Variants in GABPA observed in about 807,000 individuals in gnomAD.
GABPA encodes GA binding protein transcription factor subunit alpha, also known as GA-binding protein alpha chain.
A neutral mutation model predicts 59.4 loss-of-function variants in GABPA; 4 were observed. The observed-to-expected ratio is 0.07, with a 90% CI of 0.03 to 0.15. The LOEUF (loss-of-function observed/expected upper bound fraction) is 0.15. Ranked by LOEUF, GABPA falls within the 10% of genes least tolerant of loss-of-function variation. The pLI is 1.00. For synonymous variants in GABPA, 164 were observed against 183.1 expected (o/e 0.90, Z 0.84); for missense variants, 251 against 543.8 (o/e 0.46, Z 5.36).
At chr21:25,755,807 T>G (rs2829892) in intron 5 of GABPA, among the ~76,000 whole-genome samples, 28 of 152,116 alleles carry the variant, frequency 1.8e-4, no homozygotes, top group African/African-American at 6.5e-4. Context: ...ACTTTAAATC[T>G]GTCTCCTTAT....
chr21:25,751,399 T>TA (rs2035509755), intron 4 of GABPA, among the ~76,000 whole-genome samples: 1 of 151,368 alleles, frequency 6.6e-6, no homozygotes, highest in African/African-American at 2.4e-5. Context: ...CCATAGGAAT[T>TA]ACAGTTCTTA....
chr21:25,736,581 C>T (rs1464114519), intron 1 of GABPA, among the ~76,000 whole-genome samples: 1 of 152,124 alleles, frequency 6.6e-6, no homozygotes, highest in Non-Finnish European at 1.5e-5. Context: ...TGTCATGAGG[C>T]ATGTATAGTA....
intron 9 of GABPA, among the ~76,000 whole-genome samples, chr21:25,765,048 A>T (rs1320028160): frequency 2.0e-5 from 3 of 151,804 alleles, no homozygotes; most frequent in Non-Finnish European, 4.4e-5. Context: ...AAAATGTTTA[A>T]TTTTTGAGGT....
intron 5 of GABPA, among the ~76,000 whole-genome samples, chr21:25,757,449 C>G (rs1573269): frequency 2.8e-5 from 1 of 35,274 alleles, no homozygotes; most frequent in Non-Finnish European, 1.4e-4. Flanking sequence ...TCTTGTATTT[C>G]TTAGTGTGTT....
chr21:25,757,773 G>A (rs2035669914), intron 5 of GABPA, among the ~76,000 whole-genome samples: 1 of 151,060 alleles, frequency 6.6e-6, no homozygotes, highest in African/African-American at 2.4e-5. Flanking sequence ...AGTTCCAGCT[G>A]AGGTTGAACC....
At position 25,752,217 on chromosome 21, in the gene GABPA, G is replaced by T; in HGVS notation, c.536G>T (p.Arg179Leu). Reference sequence around the variant, plus strand: ...GAAGGCTATAGGAAAGAACAAGAACGCCTTGGGATACCCTATGGTAATAAA... The same window carrying T: ...GAAGGCTATAGGAAAGAACAAGAACTCCTTGGGATACCCTATGGTAATAAA... ...ALEGYRKEQE[R>L]LGIPYDPIQW... The change falls in exon 5 of 10, where the codon CGC (arginine) becomes CTC (leucine). Residue 179 changes from arginine (R) to leucine (L), a missense_variant. Physicochemically the swap from Arg to Leu is moderately radical, Grantham distance 102. Around this residue, in one of 4 missense-constraint regions of GABPA, gnomAD observed 207 missense variants for 366.7 expected, o/e 0.56. Coordinates refer to ENST00000400075, the MANE Select transcript of GABPA (RefSeq NM_002040.4). 6.2e-7 allele frequency: 1 copy of T among 1,613,090 alleles called. No individual in the cohort carries two copies. The highest frequency in any genetic ancestry group is 8.5e-7 in the Non-Finnish European group (1 of 1,179,530).
At chr21:25,762,983 T>C in intron 7 of GABPA, 1 of 382,432 alleles carries the variant, frequency 2.6e-6, no homozygotes, top group Non-Finnish European at 5.0e-6. Flanking sequence ...TTGCTTGGCT[T>C]TTCCCCTTTC....
intron 2 of GABPA, among the ~76,000 whole-genome samples, chr21:25,744,272 A>T (rs926452590): frequency 6.6e-6 from 1 of 152,100 alleles, no homozygotes; most frequent in Non-Finnish European, 1.5e-5. Flanking sequence ...TGGGAAGATC[A>T]GTTGAGCTCA....
rs8126594 is a variant in GABPA, at chr21:25,739,213, A to G, written c.-26-2360A>G. ...GGCAGTCTAGATTTGGGTGCCAGCT[A>G]TTTGTCAGAAAACCAGCTACCCCAT... On this transcript the variant is annotated intron_variant, in intron 1 of 9. Coordinates refer to ENST00000400075, the MANE Select transcript of GABPA (RefSeq NM_002040.4). Among the ~76,000 whole-genome samples the G allele has an allele frequency of 7.0e-3, 1,070 of 152,304 alleles. 10 individuals are homozygous for G. Among genetic ancestry groups the G allele is most frequent in the African/African-American group, 0.024 (1,016 of 41,568 alleles).
chr21:25,735,906 C>T (rs2035039297), intron 1 of GABPA, among the ~76,000 whole-genome samples: 1 of 152,190 alleles, frequency 6.6e-6, no homozygotes, highest in Non-Finnish European at 1.5e-5. Flanking sequence ...GTCCGCACTC[C>T]TCAGCAGTCT....
rs1331886559 is a variant in GABPA, at chr21:25,755,434, A to T, written c.554-2576A>T. On this transcript the variant is annotated intron_variant, in intron 5 of 9. Coordinates refer to ENST00000400075, the MANE Select transcript of GABPA (RefSeq NM_002040.4). ...CTGGGTGGCAAAGCAAGACTGTCTA[A>T]AAAAAAAAAAAAAAAAAAAGGGCAA... Among the ~76,000 whole-genome samples the T allele has an allele frequency of 2.5e-4, 20 of 78,620 alleles. 1 individual carries two copies. The highest frequency in any genetic ancestry group is 2.3e-3 in the South Asian group (6 of 2,636). 51.6% of individuals were successfully genotyped at this position (78,620 alleles called of 152,430 possible).
intron 1 of GABPA, among the ~76,000 whole-genome samples, chr21:25,736,334 G>A (rs1033010883): frequency 6.6e-6 from 1 of 152,214 alleles, no homozygotes; most frequent in African/African-American, 2.4e-5. Flanking sequence ...CGTGAGAAGA[G>A]CAAAGATTTA....
chr21:25,767,534 A>G (rs2035921555), intron 9 of GABPA, among the ~76,000 whole-genome samples: 1 of 151,838 alleles, frequency 6.6e-6, no homozygotes. Context: ...ATGTGTGTAT[A>G]TTCTTTTTTA....
chr21:25,752,089 T>A lies in GABPA; in HGVS notation c.408T>A (p.His136Gln). ...CCCACCATGCTGAATCAGAAGCACATCTTGTTGAAGAAGCTCAAGTGATAA... is the reference window on the plus strand; with the variant it reads ...CCCACCATGCTGAATCAGAAGCACAACTTGTTGAAGAAGCTCAAGTGATAA... ...PDAHHAESEA[H>Q]LVEEAQVITL... The change falls in exon 5 of 10, where the codon CAT becomes CAA. Residue 136 changes from histidine (H) to glutamine (Q), a missense_variant. His to Gln is a conservative substitution (Grantham distance 24). Transcript: ENST00000400075. The A allele has an allele frequency of 6.2e-7, 1 of 1,609,308 alleles. No homozygotes were observed. Among genetic ancestry groups the A allele is most frequent in the South Asian group, 1.1e-5 (1 of 90,982 alleles).
chr21:25,747,988 C>T (rs8127242), intron 3 of GABPA, among the ~76,000 whole-genome samples: 6,395 of 152,144 alleles, frequency 0.042, 422 homozygotes, highest in African/African-American at 0.14. Context: ...CTCACTGCAA[C>T]GTCCGCCTAC....
intron 2 of GABPA, among the ~76,000 whole-genome samples, chr21:25,742,432 ATTAAGG>A (rs1312641550): frequency 2.0e-5 from 3 of 152,236 alleles, no homozygotes. Flanking sequence ...GGACAAGATA[ATTAAGG>A]TTAAGGAGGA....
At chr21:25,759,695 G>T (rs1291681779) in intron 6 of GABPA, among the ~76,000 whole-genome samples, 2 of 152,040 alleles carry the variant, frequency 1.3e-5, no homozygotes, top group Admixed American at 1.3e-4. Context: ...TAAGTAAGTT[G>T]AATGTCCTGG....
intron 9 of GABPA, among the ~76,000 whole-genome samples, chr21:25,765,052 T>G (rs2035857869): frequency 6.6e-6 from 1 of 152,016 alleles, no homozygotes; most frequent in South Asian, 2.1e-4. Flanking sequence ...TGTTTAATTT[T>G]TGAGGTTTTT....
At chr21:25,743,727 A>G (rs2035285583) in intron 2 of GABPA, among the ~76,000 whole-genome samples, 1 of 152,132 alleles carries the variant, frequency 6.6e-6, no homozygotes, top group Non-Finnish European at 1.5e-5. Flanking sequence ...TTTAAAAGTG[A>G]CATTTGAATC....
Sources: allele counts gnomAD v4.1 joint callset (sites outside exome capture counted in the v4.1 genomes callset), GRCh38; gene constraint gnomAD v4.1.1; regional missense constraint gnomAD v4.1.1; transcripts MANE v1.5; gene names NCBI Gene and HGNC (gene_info 2026-07-23, HGNC 2026-07-21).